The following CSMD1 variants were observed in gnomAD, a reference collection of about 807,000 sequenced individuals.
The protein encoded by CSMD1 is CUB and sushi domain-containing protein 1.
A neutral mutation model predicts 417.5 loss-of-function variants in CSMD1; 213 were observed. The ratio of observed to expected loss-of-function variants is 0.51; its 90% CI spans 0.46 to 0.57. The LOEUF (loss-of-function observed/expected upper bound fraction) is 0.57. Among genes scored for constraint, CSMD1 ranks in the 20% least tolerant of loss-of-function variants. The probability of loss-of-function intolerance (pLI) is 0.00; values close to 1 mark genes in which losing one functional copy is unlikely to be tolerated. For synonymous variants in CSMD1, 2,862 were observed against 1,736.8 expected, an observed-to-expected ratio of 1.65 and a Z score of -16.11; for missense variants, 6,923 against 4,529.7, an observed-to-expected ratio of 1.53 and a Z score of -15.17.
intron 5 of CSMD1, among the ~76,000 whole-genome samples, chr8:3,758,353 T>C (rs1467407801): frequency 6.6e-6 from 1 of 152,214 alleles, no homozygotes; most frequent in African/African-American, 2.4e-5. Context: ...TTCAAATGAA[T>C]TGTACCCCGA....
intron 1 of CSMD1, among the ~76,000 whole-genome samples, chr8:4,638,189 T>G (rs1222898357): frequency 6.6e-6 from 1 of 152,190 alleles, no homozygotes; most frequent in African/African-American, 2.4e-5. Context: ...AATTTGGTGC[T>G]ATCTACATAG....
At chr8:3,616,424 C>G (rs896447500) in intron 8 of CSMD1, among the ~76,000 whole-genome samples, 1 of 152,184 alleles carries the variant, frequency 6.6e-6, no homozygotes, top group Non-Finnish European at 1.5e-5. Context: ...ACCTCCTCAA[C>G]CATGCTGAAC....
intron 3 of CSMD1, among the ~76,000 whole-genome samples, chr8:4,281,323 C>T (rs577825514): frequency 2.6e-5 from 4 of 152,202 alleles, no homozygotes; most frequent in African/African-American, 9.6e-5. Context: ...ACTGCGAGAA[C>T]AGGTGGTCCC....
intron 3 of CSMD1, among the ~76,000 whole-genome samples, chr8:4,261,008 A>G (rs1210363156): frequency 6.6e-6 from 1 of 152,212 alleles, no homozygotes; most frequent in Non-Finnish European, 1.5e-5. Context: ...CAATTAAAAT[A>G]CAAAGTTCAA....
At chr8:3,899,182 G>C (rs1396448658) in intron 5 of CSMD1, among the ~76,000 whole-genome samples, 2 of 152,178 alleles carry the variant, frequency 1.3e-5, no homozygotes, top group Non-Finnish European at 2.9e-5. Context: ...TTACGGCCTA[G>C]GACAGGAGGC....
Position 4,791,883 on chromosome 8 carries a change from G to A in CSMD1, c.86-154325C>T, listed in dbSNP as rs141464827. On this transcript the variant is annotated intron_variant, in intron 1 of 69. Coordinates refer to ENST00000635120, the MANE Select transcript of CSMD1 (RefSeq NM_033225.6). ...AAAAAATTTTTTTAGCTTGCATTCA[G>A]CAACAATTGGTTCATCTTATTCGAA... 9.7e-4 allele frequency among the ~76,000 whole-genome samples: 147 copies of A among 152,140 alleles called. 1 individual carries two copies. Among genetic ancestry groups the A allele is most frequent in the African/African-American group, 3.4e-3 (142 of 41,502 alleles).
intron 3 of CSMD1, among the ~76,000 whole-genome samples, chr8:4,389,464 G>A (rs990906593): frequency 2.0e-5 from 3 of 151,984 alleles, no homozygotes; most frequent in African/African-American, 7.3e-5. Flanking sequence ...ACATAATTTG[G>A]TTAGTGCTTT....
Position 4,067,680 on chromosome 8 carries a change from T to A in CSMD1, c.416-35581A>T, listed in dbSNP as rs1799323612. ...TAAAATGCAGTCTCACCACCTAACT[T>A]GTCCTGTGGAATATTAAACTTTCCA... On this transcript the variant is annotated intron_variant, in intron 3 of 69. Transcript: ENST00000635120. Among the ~76,000 whole-genome samples, 3 of 152,306 alleles carry A rather than the reference T, an allele frequency of 2.0e-5. No individual in the cohort carries two copies. The Middle Eastern group carries it at 0.01, about 518-fold the overall frequency.
intron 23 of CSMD1, among the ~76,000 whole-genome samples, chr8:3,342,604 T>C (rs1807731620): frequency 6.6e-6 from 1 of 152,216 alleles, no homozygotes; most frequent in African/African-American, 2.4e-5. Flanking sequence ...AAACACAGCA[T>C]CTCTTTTATT....
chr8:3,373,353 G>C (rs186980266), intron 18 of CSMD1: 1 of 152,232 alleles, frequency 6.6e-6, no homozygotes. Flanking sequence ...TCAGGAGAAA[G>C]TCAGACAGAA....
chr8:3,988,282 TA>T (rs1402177428), intron 5 of CSMD1, among the ~76,000 whole-genome samples: 1 of 152,192 alleles, frequency 6.6e-6, no homozygotes, highest in East Asian at 1.9e-4. Context: ...AAGGCCATTA[TA>T]AACATCACAC....
intron 50 of CSMD1, among the ~76,000 whole-genome samples, chr8:3,042,825 T>C (rs1370120547): frequency 2.0e-5 from 3 of 152,124 alleles, no homozygotes; most frequent in African/African-American, 7.2e-5. Context: ...CGTATAAACC[T>C]AGTGCTAGAT....
At chr8:3,716,054 C>G (rs1414541174) in intron 6 of CSMD1, among the ~76,000 whole-genome samples, 1 of 152,160 alleles carries the variant, frequency 6.6e-6, no homozygotes, top group Non-Finnish European at 1.5e-5. Context: ...GAATGTCCAC[C>G]CTCCTGTTCA....
At chr8:3,759,794 G>A (rs1178699038) in intron 5 of CSMD1, among the ~76,000 whole-genome samples, 1 of 150,208 alleles carries the variant, frequency 6.7e-6, no homozygotes, top group African/African-American at 2.5e-5. Flanking sequence ...TGTAATCGCA[G>A]CTACTCGGGA....
intron 3 of CSMD1, among the ~76,000 whole-genome samples, chr8:4,229,220 T>C (rs1007118694): frequency 6.6e-6 from 1 of 152,152 alleles, no homozygotes; most frequent in South Asian, 2.1e-4. Context: ...AATCAGCACA[T>C]TGGCCAATTT....
In CSMD1 at chr8:3,780,283, G is replaced by A. The variant is rs1174169352; in HGVS notation, c.819-26241C>T. Among the ~76,000 whole-genome samples the A allele has an allele frequency of 7.2e-5, 11 of 152,194 alleles. 1 individual carries two copies. The highest frequency in any genetic ancestry group is 1.9e-4 in the East Asian group (1 of 5,194). Reference sequence around the variant, plus strand: ...GCTCAGAAATACTACAGAAGAGGCTGAGCAATTAGTTCGTATTCCGCAAAT... The same window carrying A: ...GCTCAGAAATACTACAGAAGAGGCTAAGCAATTAGTTCGTATTCCGCAAAT... On this transcript the variant is annotated intron_variant, in intron 5 of 69. Transcript: ENST00000635120.
chr8:4,080,735 T>C (rs754432150), intron 3 of CSMD1, among the ~76,000 whole-genome samples: 1 of 152,134 alleles, frequency 6.6e-6, no homozygotes, highest in Non-Finnish European at 1.5e-5. Context: ...GAGAGAAAAA[T>C]AATGTTTCAT....
intron 5 of CSMD1, among the ~76,000 whole-genome samples, chr8:3,885,792 C>A (rs530996454): frequency 6.6e-6 from 1 of 152,246 alleles, no homozygotes; most frequent in African/African-American, 2.4e-5. Context: ...AGAAAGCTGA[C>A]TTTCTTAAAC....
intron 2 of CSMD1, among the ~76,000 whole-genome samples, chr8:4,436,760 G>C (rs1244347497): frequency 1.3e-5 from 2 of 152,076 alleles, no homozygotes; most frequent in Non-Finnish European, 2.9e-5. Context: ...ACAAATAAGT[G>C]ATCATGTGAT....
Sources: gnomAD v4.1 joint callset for allele counts (sites outside exome capture counted in the v4.1 genomes callset) on GRCh38, gnomAD v4.1.1 for gene constraint, MANE v1.5 for transcripts, NCBI Gene and HGNC (gene_info 2026-07-23, HGNC 2026-07-21) for gene names.